Variants in DUSP16 observed in about 807,000 individuals in gnomAD.
DUSP16 encodes dual specificity phosphatase 16.
In DUSP16, 21 loss-of-function variants were observed where a neutral mutation model predicts 58.3. That is an observed-to-expected ratio of 0.36 (90% CI 0.26 to 0.52). DUSP16 has a LOEUF of 0.52. Ranked by LOEUF, DUSP16 falls within the 20% of genes least tolerant of loss-of-function variation. DUSP16 has a pLI of 0.94. For missense variants in DUSP16, 726 were observed against 819.0 expected, an observed-to-expected ratio of 0.89 and a Z score of 1.39; for synonymous variants, 320 against 323.8, an observed-to-expected ratio of 0.99 and a Z score of 0.12.
At chr12:12,497,798 C>A (rs190681185) in intron 4 of DUSP16, among the ~76,000 whole-genome samples, 13 of 152,058 alleles carry the variant, frequency 8.5e-5, no homozygotes, top group African/African-American at 2.7e-4. Flanking sequence ...GGTGAAACCC[C>A]GTCTATATTA....
At position 12,480,273 on chromosome 12, in the gene DUSP16, A is replaced by T. The variant is rs374500188; in HGVS notation, c.765T>A (p.Ala255=). 34 of 1,614,116 alleles carry T rather than the reference A, an allele frequency of 2.1e-5. No homozygotes were observed. The African/African-American group carries it at 4.5e-4, about 22-fold the overall frequency. Reference sequence around the variant, plus strand: ...CCATCCTCTTCATGATGTAGGCGATAGCGATGGTGGCGGAGCGGGAGATCC... The same window carrying T: ...CCATCCTCTTCATGATGTAGGCGATTGCGATGGTGGCGGAGCGGGAGATCC... The part of the protein sequence containing the change: ...LAGISRSATI[A]IAYIMKRMDM... Residue 255 remains alanine, a synonymous_variant, in exon 6 of 7, where the codon GCT becomes GCA. Transcript: ENST00000298573.
At chr12:12,500,428 G>A in intron 4 of DUSP16, 91 bp downstream of exon 4, 1 of 1,406,532 alleles carries the variant, frequency 7.1e-7, no homozygotes, top group South Asian at 1.5e-5. Context: ...TCCTGAGATT[G>A]GGGTGTGTTT....
chr12:12,483,957 TTAAAG>T (rs1447007574), intron 5 of DUSP16, among the ~76,000 whole-genome samples: 1 of 81,428 alleles, frequency 1.2e-5, no homozygotes, highest in African/African-American at 3.4e-5. Context: ...TCCCTAAAAC[TTAAAG>T]TATAATAATA....
At position 12,536,241 on chromosome 12, in the gene DUSP16, T is replaced by C. The variant is rs549660514; in HGVS notation, c.-365-14778A>G. On this transcript the variant is annotated intron_variant, in intron 1 of 6. Transcript: ENST00000298573. ...CCTGGCACAAGATATACCCTTATTA[T>C]ATGTCATGGGCACTGAAAGTACCCA... is the stretch of plus-strand genomic sequence containing the variant. 2.7e-3 allele frequency among the ~76,000 whole-genome samples: 407 copies of C among 152,350 alleles called. 3 individuals are homozygous for C. The highest frequency in any genetic ancestry group is 9.2e-3 in the African/African-American group (381 of 41,574).
intron 4 of DUSP16, among the ~76,000 whole-genome samples, chr12:12,488,527 C>G (rs1157497261): frequency 6.6e-6 from 1 of 152,280 alleles, no homozygotes; most frequent in Non-Finnish European, 1.5e-5. Flanking sequence ...AGCAGGCAAG[C>G]CCACACAAAC....
At chr12:12,540,264 A>G (rs1053509120) in intron 1 of DUSP16, among the ~76,000 whole-genome samples, 1 of 151,948 alleles carries the variant, frequency 6.6e-6, no homozygotes, top group African/African-American at 2.4e-5. Flanking sequence ...CCCGGGAGAT[A>G]GAGGTTGCAG....
intron 4 of DUSP16, among the ~76,000 whole-genome samples, chr12:12,489,856 A>G (rs990430950): frequency 6.6e-6 from 1 of 152,276 alleles, no homozygotes; most frequent in Non-Finnish European, 1.5e-5. Context: ...CCTTTTAATT[A>G]GACAATGACA....
At chr12:12,535,158 C>A (rs1351422275) in intron 1 of DUSP16, among the ~76,000 whole-genome samples, 6 of 152,226 alleles carry the variant, frequency 3.9e-5, no homozygotes, top group Non-Finnish European at 7.3e-5. Context: ...TGTGCCAGTG[C>A]TCAGCCGCTC....
At chr12:12,480,006 G>C (rs927896341) in intron 6 of DUSP16, among the ~76,000 whole-genome samples, 2 of 152,208 alleles carry the variant, frequency 1.3e-5, no homozygotes, top group African/African-American at 2.4e-5. Context: ...AAGTGGCTGA[G>C]GATGAGTCTG....
intron 5 of DUSP16, among the ~76,000 whole-genome samples, chr12:12,482,897 G>A (rs531706629): frequency 1.3e-5 from 2 of 152,232 alleles, no homozygotes; most frequent in African/African-American, 4.8e-5. Flanking sequence ...ATTTTTTGTA[G>A]AGACAGGATC....
intron 5 of DUSP16, among the ~76,000 whole-genome samples, chr12:12,485,010 ATTT>A (rs371113333): frequency 8.0e-6 from 1 of 125,048 alleles, no homozygotes. Flanking sequence ...TTTGTTTGTG[ATTT>A]TTTTTTTTTT....
chr12:12,547,744 AAGCTTTGGTGG>A (rs1228467427), intron 1 of DUSP16, among the ~76,000 whole-genome samples: 1 of 152,172 alleles, frequency 6.6e-6, no homozygotes, highest in Non-Finnish European at 1.5e-5. Context: ...AGATCCAACA[AAGCTTTGGTGG>A]AGTGCTACCT....
intron 3 of DUSP16, among the ~76,000 whole-genome samples, chr12:12,512,057 T>C (rs972363865): frequency 1.2e-4 from 19 of 152,158 alleles, no homozygotes; most frequent in African/African-American, 4.3e-4. Flanking sequence ...TAGCCACTGG[T>C]AGCTGGGAAG....
chr12:12,552,283 TA>T (rs1944739939), intron 1 of DUSP16, among the ~76,000 whole-genome samples: 2 of 151,834 alleles, frequency 1.3e-5, no homozygotes, highest in Admixed American at 6.6e-5. Context: ...CCATCTCTAC[TA>T]AAAATATAAA....
chr12:12,499,532 A>T (rs1021472725), intron 4 of DUSP16, among the ~76,000 whole-genome samples: 9 of 152,274 alleles, frequency 5.9e-5, no homozygotes, highest in Non-Finnish European at 1.0e-4. Context: ...CAATGACCCG[A>T]TGATCGGGTA....
intron 6 of DUSP16, among the ~76,000 whole-genome samples, chr12:12,478,353 G>C (rs1183127752): frequency 1.3e-5 from 2 of 151,100 alleles, no homozygotes; most frequent in African/African-American, 4.9e-5. Context: ...TTTTTTAAGA[G>C]ACAGAGACTT....
At chr12:12,510,086 C>T (rs1451480879) in intron 3 of DUSP16, among the ~76,000 whole-genome samples, 1 of 152,048 alleles carries the variant, frequency 6.6e-6, no homozygotes, top group South Asian at 2.1e-4. Context: ...TTTTCTGATG[C>T]CCCTAAATGG....
intron 3 of DUSP16, among the ~76,000 whole-genome samples, chr12:12,503,287 G>A (rs61913551): frequency 2.3e-3 from 345 of 147,376 alleles, no homozygotes; most frequent in Admixed American, 5.8e-3. Context: ...GTGCAGTGGC[G>A]CGATCTTGGC....
At chr12:12,486,251 G>A (rs1191142185) in intron 5 of DUSP16, among the ~76,000 whole-genome samples, 1 of 152,046 alleles carries the variant, frequency 6.6e-6, no homozygotes, top group Non-Finnish European at 1.5e-5. Flanking sequence ...TGTTGCTCAG[G>A]AGCTAGCAGT....
Sources: gnomAD v4.1 joint callset for allele counts (sites outside exome capture counted in the v4.1 genomes callset) on GRCh38, gnomAD v4.1.1 for gene constraint, MANE v1.5 for transcripts, NCBI Gene and HGNC (gene_info 2026-07-23, HGNC 2026-07-21) for gene names.